Variants in MYO3B observed in about 807,000 individuals in gnomAD.
The protein encoded by MYO3B is myosin IIIB, also known as myosin-IIIb.
Under a neutral mutation model 174.6 loss-of-function variants are expected in MYO3B, and 156 were observed. The observed-to-expected ratio is 0.89, with a 90% CI of 0.78 to 1.02. MYO3B has a LOEUF of 1.02. Among genes scored for constraint, MYO3B ranks in the 50% least tolerant of loss-of-function variants. The probability of loss-of-function intolerance (pLI) is 0.00; values close to 1 mark genes in which losing one functional copy is unlikely to be tolerated. For synonymous variants in MYO3B, 563 were observed against 569.1 expected (o/e 0.99, Z 0.15); for missense variants, 1,632 against 1,639.4 (o/e 1.00, Z 0.08).
intron 22 of MYO3B, among the ~76,000 whole-genome samples, chr2:170,424,532 G>A (rs1396990460): frequency 2.6e-5 from 4 of 152,046 alleles, no homozygotes; most frequent in African/African-American, 7.2e-5. Context: ...CAGGAGAATC[G>A]CTTGAACCAG....
intron 8 of MYO3B, among the ~76,000 whole-genome samples, chr2:170,356,022 G>A (rs990480498): frequency 2.0e-5 from 3 of 151,838 alleles, no homozygotes; most frequent in African/African-American, 4.8e-5. Flanking sequence ...GTGCAGTGGC[G>A]TGATCTCGGC....
In MYO3B at chr2:170,543,934, C is replaced by T; in HGVS notation, c.3679C>T (p.His1227Tyr). Residue 1227 changes from histidine to tyrosine, a missense_variant, in exon 32 of 35, where the codon CAT becomes TAT. Physicochemically the swap from His to Tyr is moderately conservative, Grantham distance 83 (BLOSUM62 2). Coordinates refer to ENST00000408978, the MANE Select transcript of MYO3B (RefSeq NM_138995.5). ...GTDLLSSRIC[H>Y]PAPDQQGLSL... is the part of the protein sequence containing the mutation. ...TGATTTGCTGTCTTCTCGGATATGCCATCCTGCTCCAGATCAGCAAGGATT... is the reference window on the plus strand; with the variant it reads ...TGATTTGCTGTCTTCTCGGATATGCTATCCTGCTCCAGATCAGCAAGGATT... 6.2e-7 allele frequency: 1 copy of T among 1,613,272 alleles called. No individual in the cohort carries two copies. Among genetic ancestry groups the T allele is most frequent in the South Asian group, 1.1e-5 (1 of 91,020 alleles).
chr2:170,336,818 G>T (rs1357771449), intron 8 of MYO3B, among the ~76,000 whole-genome samples: 1 of 152,068 alleles, frequency 6.6e-6, no homozygotes, highest in Non-Finnish European at 1.5e-5. Context: ...CTATATTTCA[G>T]TTTCATTTTC....
intron 8 of MYO3B, among the ~76,000 whole-genome samples, chr2:170,346,739 A>C (rs896143048): frequency 4.6e-5 from 7 of 152,218 alleles, no homozygotes; most frequent in African/African-American, 1.4e-4. Flanking sequence ...CTGTACATTA[A>C]GATTTCTTGG....
intron 32 of MYO3B, chr2:170,641,193 G>T (rs191558573): frequency 2.5e-4 from 38 of 152,260 alleles, no homozygotes; most frequent in African/African-American, 8.2e-4. Flanking sequence ...GAATAAACTG[G>T]GAGGGTAGGG....
At chr2:170,268,919 A>G (rs925242076) in intron 7 of MYO3B, among the ~76,000 whole-genome samples, 1 of 152,174 alleles carries the variant, frequency 6.6e-6, no homozygotes, top group African/African-American at 2.4e-5. Flanking sequence ...TGGTCAAACC[A>G]CTATACATAT....
intron 32 of MYO3B, among the ~76,000 whole-genome samples, chr2:170,613,751 G>T (rs181126881): frequency 2.6e-5 from 4 of 152,198 alleles, no homozygotes; most frequent in Admixed American, 2.6e-4. Flanking sequence ...TATAAAGCAG[G>T]CAGAAAAATG....
rs565176198 is a variant in MYO3B, at chr2:170,265,071, T to C, written c.749+28935T>C. 5.1e-4 allele frequency among the ~76,000 whole-genome samples: 77 copies of C among 152,314 alleles called. No homozygotes were observed. The South Asian group carries it at 0.014, about 28-fold the overall frequency. The stretch of plus-strand genomic sequence containing the variant: ...TACAGAATTCATATTTAGAATGCTG[T>C]GATTATAAGCCAGAAAGCTGTTGGG... On this transcript the variant is annotated intron_variant, in intron 7 of 34. Transcript: ENST00000408978.
At chr2:170,594,811 C>G (rs1232047271) in intron 32 of MYO3B, among the ~76,000 whole-genome samples, 1 of 148,926 alleles carries the variant, frequency 6.7e-6, no homozygotes, top group African/African-American at 2.5e-5. Flanking sequence ...TGAGTATGCA[C>G]TCTTTCCCAG....
chr2:170,427,277 A>G (rs1207677572), intron 22 of MYO3B, among the ~76,000 whole-genome samples: 1 of 152,218 alleles, frequency 6.6e-6, no homozygotes, highest in African/African-American at 2.4e-5. Context: ...CTCTTTCAAA[A>G]AAAAATCAGT....
chr2:170,350,526 C>T (rs1192053025), intron 8 of MYO3B: 1 of 152,154 alleles, frequency 6.6e-6, no homozygotes, highest in East Asian at 1.9e-4. Flanking sequence ...CACTTCTGAA[C>T]TCTGGATTAT....
At chr2:170,228,125 G>C (rs915036014) in intron 6 of MYO3B, among the ~76,000 whole-genome samples, 6 of 152,290 alleles carry the variant, frequency 3.9e-5, no homozygotes, top group Admixed American at 6.5e-5. Context: ...TCATAGCGTA[G>C]ATGTTACTGT....
intron 32 of MYO3B, among the ~76,000 whole-genome samples, chr2:170,570,823 C>T (rs1413309795): frequency 5.3e-5 from 8 of 151,930 alleles, no homozygotes; most frequent in Admixed American, 5.2e-4. Flanking sequence ...AATTGTTGCA[C>T]AAATATCAAA....
rs1313126043 is a variant in MYO3B at position 170,369,246 on chromosome 2, G to A, written c.840G>A (p.Arg280=). 1.2e-6 allele frequency: 2 copies of A among 1,612,956 alleles called. No individual in the cohort carries two copies. Among genetic ancestry groups the A allele is most frequent in the Non-Finnish European group, 1.7e-6 (2 of 1,179,356 alleles). ...ISQCLIKDFE[R]RPSVTHLLDH... The stretch of plus-strand genomic sequence containing the variant: ...GGTGTCTTATTAAGGATTTTGAAAG[G>A]CGACCTTCCGTCACACATCTCCTTG... Residue 280 remains arginine, a synonymous_variant, in exon 9 of 35, where the codon AGG becomes AGA. Transcript: ENST00000408978.
chr2:170,570,744 T>C (rs1468672189), intron 32 of MYO3B, among the ~76,000 whole-genome samples: 1 of 151,518 alleles, frequency 6.6e-6, no homozygotes, highest in Non-Finnish European at 1.5e-5. Context: ...TGCGCGTTAT[T>C]CTGGCCTTGT....
chr2:170,274,919 T>C lies in MYO3B; in HGVS notation c.749+38783T>C, dbSNP rs575981519. Among the ~76,000 whole-genome samples the C allele has an allele frequency of 6.6e-5, 10 of 152,222 alleles. 1 individual carries two copies. The East Asian group carries it at 1.7e-3, about 26-fold the overall frequency. On this transcript the variant is annotated intron_variant, in intron 7 of 34. Coordinates refer to ENST00000408978, the MANE Select transcript of MYO3B (RefSeq NM_138995.5). The stretch of plus-strand genomic sequence containing the variant: ...TTCTTTTTCTTTTTTCCTGGGACCA[T>C]AGGATCCAGATAATAGAAATGTTGA...
At chr2:170,361,405 G>A (rs1276190679) in intron 8 of MYO3B, among the ~76,000 whole-genome samples, 1 of 152,194 alleles carries the variant, frequency 6.6e-6, no homozygotes, top group Non-Finnish European at 1.5e-5. Flanking sequence ...AAGAAAGCCA[G>A]GAGGAGGGAG....
At chr2:170,372,114 G>T (rs1574867003) in intron 9 of MYO3B, among the ~76,000 whole-genome samples, 1 of 33,138 alleles carries the variant, frequency 3.0e-5, no homozygotes. Context: ...GTGAGACCCT[G>T]TCTCAAAAAA....
chr2:170,309,520 C>T (rs1224581742), intron 7 of MYO3B, among the ~76,000 whole-genome samples: 1 of 152,124 alleles, frequency 6.6e-6, no homozygotes, highest in African/African-American at 2.4e-5. Flanking sequence ...ATTCTCTCAG[C>T]CTAGAACCTT....
Sources: allele counts gnomAD v4.1 joint callset (sites outside exome capture counted in the v4.1 genomes callset), GRCh38; gene constraint gnomAD v4.1.1; transcripts MANE v1.5; gene names NCBI Gene and HGNC (gene_info 2026-07-23, HGNC 2026-07-21).